The following SPON1 variants were observed in gnomAD, a reference collection of about 807,000 sequenced individuals.
SPON1 encodes spondin-1.
SPON1 carries 52 observed loss-of-function variants against 111.7 expected under a neutral mutation model. The ratio of observed to expected loss-of-function variants is 0.47; its 90% CI spans 0.37 to 0.59. The LOEUF (loss-of-function observed/expected upper bound fraction) is 0.59, where lower values mean the gene tolerates loss of function less well. Ranked by LOEUF, SPON1 falls within the 20% of genes least tolerant of loss-of-function variation. SPON1 has a pLI of 0.00. For synonymous variants in SPON1, 410 were observed against 395.8 expected (o/e 1.04, Z -0.43); for missense variants, 957 against 1,068.5 (o/e 0.90, Z 1.46).
rs921353389 is a variant in SPON1, at chr11:14,250,225, T to C, written c.891-4303T>C. Among the ~76,000 whole-genome samples, 7 of 152,346 alleles carry C rather than the reference T, an allele frequency of 4.6e-5. No homozygotes were observed. In the East Asian group the frequency reaches 1.3e-3, roughly 29 times the overall value. On this transcript the variant is annotated intron_variant, in intron 7 of 15. Transcript: ENST00000576479. ...ACTGCTGTTTTCATTTTACAGAAGG[T>C]CTTCGTTGATAGATAATTCAATTCT...
At chr11:14,242,807 A>C (rs1449765756) in intron 6 of SPON1, among the ~76,000 whole-genome samples, 1 of 152,224 alleles carries the variant, frequency 6.6e-6, no homozygotes, top group Non-Finnish European at 1.5e-5. Flanking sequence ...CACCACGGGT[A>C]TGGGGCCTTG....
At chr11:14,213,091 C>G (rs1554936868) in intron 6 of SPON1, among the ~76,000 whole-genome samples, 1 of 152,186 alleles carries the variant, frequency 6.6e-6, no homozygotes, top group African/African-American at 2.4e-5. Flanking sequence ...GCATCCAAGC[C>G]TTTAGGGCCT....
In SPON1 at chr11:14,259,207, AGTTCCCACCGCG is replaced by A; in HGVS notation, c.1493-72_1493-61del. 1.4e-6 allele frequency: 2 copies of A among 1,465,854 alleles called. No homozygotes were observed. The highest frequency in any genetic ancestry group is 2.7e-5 in the South Asian group (2 of 73,552). The allele number at this position is 1,465,854 out of a possible 1,614,324, so 90.8% of individuals were successfully genotyped here. On this transcript the variant is annotated intron_variant, in intron 11 of 15. Transcript: ENST00000576479. The surrounding 1 kb of genome is among the most constrained non-coding windows in gnomAD (Gnocchi z 5.0). ...CTCCTCTTGATTCCCGCTGGCGGGA[AGTTCCCACCGCG>A]CAGCCTGGCAGGCGCCCCTGCCACC... is the stretch of plus-strand genomic sequence containing the variant.
At chr11:14,123,746 A>C (rs1554926750) in intron 5 of SPON1, among the ~76,000 whole-genome samples, 1 of 152,090 alleles carries the variant, frequency 6.6e-6, no homozygotes, top group African/African-American at 2.4e-5. Context: ...CCAAATTCTT[A>C]CCTCTACCTC....
Position 14,243,385 on chromosome 11 carries a change from GC to G in SPON1, c.881del (p.Pro294LeufsTer4). ...KAKAQWPAWQ[P>X]LNVRAAPSAE... ...CCAAAGCCCAATGGCCAGCCTGGCA[GC>G]CTCTCAACGTGTAAGTAACACAAGT... On this transcript the variant is annotated frameshift_variant, in exon 7 of 16. Transcript: ENST00000576479. LOFTEE classifies it high-confidence loss of function. The G allele has an allele frequency of 6.4e-7, 1 of 1,574,026 alleles. No individual in the cohort carries two copies. The highest frequency in any genetic ancestry group is 8.6e-7 in the Non-Finnish European group (1 of 1,159,126).
At chr11:14,003,174 T>C (rs1171912368) in intron 2 of SPON1, among the ~76,000 whole-genome samples, 1 of 152,176 alleles carries the variant, frequency 6.6e-6, no homozygotes, top group Non-Finnish European at 1.5e-5. Context: ...TCTGGTTTTA[T>C]GTATTTTGCC....
At chr11:14,229,506 A>C (rs537264797) in intron 6 of SPON1, among the ~76,000 whole-genome samples, 2 of 152,302 alleles carry the variant, frequency 1.3e-5, no homozygotes, top group South Asian at 2.1e-4. Flanking sequence ...AGAGCCTGCC[A>C]GTATGATTAA....
At chr11:14,193,008 A>G (rs1217259356) in intron 6 of SPON1, among the ~76,000 whole-genome samples, 2 of 152,212 alleles carry the variant, frequency 1.3e-5, no homozygotes, top group Non-Finnish European at 2.9e-5. Flanking sequence ...GAATGCATGC[A>G]GCTCCTATGC....
chr11:14,078,958 C>T (rs1554921746), intron 4 of SPON1, among the ~76,000 whole-genome samples: 3 of 152,116 alleles, frequency 2.0e-5, no homozygotes, highest in Non-Finnish European at 4.4e-5. Context: ...ATGATTTTAA[C>T]ATTCTTTGCC....
intron 7 of SPON1, among the ~76,000 whole-genome samples, chr11:14,253,212 A>T (rs958858793): frequency 6.6e-6 from 1 of 152,232 alleles, no homozygotes; most frequent in African/African-American, 2.4e-5. Context: ...GCATCAGGCT[A>T]AAATGGAAAG....
chr11:14,193,379 G>A (rs1449366891), intron 6 of SPON1, among the ~76,000 whole-genome samples: 5 of 152,132 alleles, frequency 3.3e-5, no homozygotes, highest in Admixed American at 6.5e-5. Context: ...ACCCCATGCC[G>A]AACCTCATCA....
rs1397005709 is a variant in SPON1, at chr11:14,023,003, C to T, written c.346-18518C>T. The stretch of plus-strand genomic sequence containing the variant: ...TTCCTAACTCCTTAAGGTTTGTGGG[C>T]GGGATCATGTAGGATGACGACAGCC... On this transcript the variant is annotated intron_variant, in intron 2 of 15. Transcript: ENST00000576479. 7.2e-5 allele frequency among the ~76,000 whole-genome samples: 11 copies of T among 152,184 alleles called. No homozygotes were observed. In the South Asian group the frequency reaches 1.0e-3, roughly 14 times the overall value.
At chr11:14,142,999 G>A (rs1554928936) in intron 6 of SPON1, among the ~76,000 whole-genome samples, 1 of 152,172 alleles carries the variant, frequency 6.6e-6, no homozygotes, top group African/African-American at 2.4e-5. Context: ...TTTCTCAACA[G>A]AGCTGCTGCC....
rs115457122 is a variant in SPON1, at chr11:14,192,128, T to C, written c.826-51204T>C. Among the ~76,000 whole-genome samples, 730 of 152,244 alleles carry C rather than the reference T, an allele frequency of 4.8e-3. 4 individuals are homozygous for C. Among genetic ancestry groups the C allele is most frequent in the African/African-American group, 0.016 (681 of 41,544 alleles). On this transcript the variant is annotated intron_variant, in intron 6 of 15. Transcript: ENST00000576479. ...GAATAACATTAGCCCTGGATAGTCA[T>C]TGGGTTACACCAGTCAACCATGTGT...
intron 6 of SPON1, among the ~76,000 whole-genome samples, chr11:14,224,117 C>A (rs1296478484): frequency 6.6e-6 from 1 of 152,162 alleles, no homozygotes; most frequent in Non-Finnish European, 1.5e-5. Context: ...TATTTAATAC[C>A]TCCCTTGTGC....
At chr11:14,217,181 C>T (rs988905258) in intron 6 of SPON1, among the ~76,000 whole-genome samples, 3 of 152,196 alleles carry the variant, frequency 2.0e-5, no homozygotes, top group African/African-American at 7.2e-5. Context: ...TGTATCAGAG[C>T]TAATGCTTCC....
In SPON1 at chr11:13,969,215, C is replaced by CAAA. The variant is rs3047401; in HGVS notation, c.238+6092_238+6094dup. On this transcript the variant is annotated intron_variant, in intron 1 of 15. Coordinates refer to ENST00000576479, the MANE Select transcript of SPON1 (RefSeq NM_006108.4). Reference sequence around the variant, plus strand: ...GACAATATGGCAAAACCCATCTCTACAAAAAAAAAAAAAAAAAAAAATTAG... The same window carrying CAAA: ...GACAATATGGCAAAACCCATCTCTACAAAAAAAAAAAAAAAAAAAAAAAATTAG... Among the ~76,000 whole-genome samples, 693 of 106,876 alleles carry CAAA rather than the reference C, an allele frequency of 6.5e-3. 8 individuals carry two copies. The highest frequency in any genetic ancestry group is 0.019 in the African/African-American group (603 of 31,614). The allele number at this position is 106,876 out of a possible 152,430, so 70.1% of individuals were successfully genotyped here.
intron 6 of SPON1, among the ~76,000 whole-genome samples, chr11:14,156,993 G>A (rs1162175309): frequency 1.3e-5 from 2 of 152,148 alleles, no homozygotes; most frequent in Non-Finnish European, 2.9e-5. Context: ...ATGAGATTTG[G>A]TCGAGGACGG....
intron 3 of SPON1, among the ~76,000 whole-genome samples, chr11:14,063,579 A>G (rs781881714): frequency 6.6e-6 from 1 of 152,222 alleles, no homozygotes; most frequent in Non-Finnish European, 1.5e-5. Context: ...AGGGTCCAAG[A>G]TGACTGTGGC....
Sources: gnomAD v4.1 joint callset for allele counts (sites outside exome capture counted in the v4.1 genomes callset) on GRCh38, gnomAD v4.1.1 for gene constraint, Gnocchi (gnomAD v3.1) non-coding constraint, MANE v1.5 for transcripts, NCBI Gene and HGNC (gene_info 2026-07-23, HGNC 2026-07-21) for gene names.